RNF150: variants seen among roughly 807,000 people sequenced by gnomAD.
RNF150 encodes ring finger protein 150.
In RNF150, 24 loss-of-function variants were observed where a neutral mutation model predicts 39.3. The observed-to-expected ratio is 0.61, with a 90% CI of 0.44 to 0.86. RNF150 has a LOEUF of 0.86. Ranked by LOEUF, RNF150 falls within the 40% of genes least tolerant of loss-of-function variation. The probability of loss-of-function intolerance (pLI) is 0.00; values close to 1 mark genes in which losing one functional copy is unlikely to be tolerated. For synonymous variants in RNF150, 255 were observed against 227.3 expected, an observed-to-expected ratio of 1.12 and a Z score of -1.10; for missense variants, 502 against 587.8, an observed-to-expected ratio of 0.85 and a Z score of 1.51.
chr4:141,101,543 C>T (rs1309664724), intron 1 of RNF150, among the ~76,000 whole-genome samples: 1 of 152,084 alleles, frequency 6.6e-6, no homozygotes, highest in Admixed American at 6.5e-5. Context: ...GAAATAAATA[C>T]AAAGAGTATA....
chr4:140,886,190 C>CAAAAAA (rs1171164182), intron 6 of RNF150, among the ~76,000 whole-genome samples: 283 of 71,774 alleles, frequency 3.9e-3, no homozygotes, highest in African/African-American at 6.2e-3. Flanking sequence ...GACTCCATCA[C>CAAAAAA]AAAAAAAAAA....
At chr4:140,917,320 G>A (rs1476845211) in intron 5 of RNF150, among the ~76,000 whole-genome samples, 1 of 152,034 alleles carries the variant, frequency 6.6e-6, no homozygotes, top group Non-Finnish European at 1.5e-5. Flanking sequence ...ACACACATAG[G>A]CTCAAAATAA....
At chr4:140,992,130 C>G (rs1045785095) in intron 1 of RNF150, among the ~76,000 whole-genome samples, 1 of 151,982 alleles carries the variant, frequency 6.6e-6, no homozygotes, top group South Asian at 2.1e-4. Context: ...TTTTATATAC[C>G]TTGTCCTTAG....
chr4:140,938,767 A>G (rs959796943), intron 4 of RNF150, among the ~76,000 whole-genome samples: 97 of 152,186 alleles, frequency 6.4e-4, no homozygotes, highest in African/African-American at 2.2e-3. Flanking sequence ...CTTTACACTA[A>G]ATGTCTCCCA....
At chr4:141,177,476 TTCTCTC>T (rs35665766) in intron 1 of RNF150, among the ~76,000 whole-genome samples, 4 of 142,322 alleles carry the variant, frequency 2.8e-5, no homozygotes, top group African/African-American at 5.1e-5. Flanking sequence ...TATTGATTCT[TTCTCTC>T]TCTCTCTCTC....
intron 1 of RNF150, among the ~76,000 whole-genome samples, chr4:141,109,038 TTAAG>T (rs1187055370): frequency 1.3e-5 from 2 of 152,158 alleles, no homozygotes; most frequent in African/African-American, 4.8e-5. Flanking sequence ...TCTGAGATGA[TTAAG>T]TAAGATAATC....
intron 1 of RNF150, among the ~76,000 whole-genome samples, chr4:141,033,500 T>TC (rs1034117608): frequency 1.3e-5 from 2 of 152,082 alleles, no homozygotes; most frequent in African/African-American, 4.8e-5. Flanking sequence ...TATTTTAACC[T>TC]CCCCCCATGA....
intron 6 of RNF150, among the ~76,000 whole-genome samples, chr4:140,890,128 G>A (rs1450035959): frequency 6.6e-6 from 1 of 152,144 alleles, no homozygotes; most frequent in East Asian, 1.9e-4. Flanking sequence ...AAATCAGTGT[G>A]TGTGTATGTG....
chr4:140,991,474 T>C (rs1365283507), intron 1 of RNF150, among the ~76,000 whole-genome samples: 1 of 152,166 alleles, frequency 6.6e-6, no homozygotes, highest in Admixed American at 6.5e-5. Context: ...AGGGTTTTTA[T>C]AGATTTGGGT....
At chr4:141,077,513 A>G (rs748506870) in intron 1 of RNF150, among the ~76,000 whole-genome samples, 4 of 152,228 alleles carry the variant, frequency 2.6e-5, no homozygotes, top group Non-Finnish European at 5.9e-5. Context: ...TACAAAAAAT[A>G]AATTTAATTA....
intron 1 of RNF150, among the ~76,000 whole-genome samples, chr4:141,086,398 C>G (rs954150091): frequency 6.6e-6 from 1 of 151,750 alleles, no homozygotes; most frequent in Non-Finnish European, 1.5e-5. Context: ...AGTGGAATAC[C>G]CCTGTTAATA....
chr4:141,073,805 A>T lies in RNF150; in HGVS notation c.484+58520T>A, dbSNP rs34514039. On this transcript the variant is annotated intron_variant, in intron 1 of 6. Transcript: ENST00000515673. ...ATAAGGAAGGGTGGAGATGACAGAAAATTAAGTCTTACCTAAAACGCAAGG... is the reference window on the plus strand; with the variant it reads ...ATAAGGAAGGGTGGAGATGACAGAATATTAAGTCTTACCTAAAACGCAAGG... Among the ~76,000 whole-genome samples, 845 of 152,270 alleles carry T rather than the reference A, an allele frequency of 5.5e-3. 4 individuals are homozygous for T. The highest frequency in any genetic ancestry group is 0.019 in the African/African-American group (794 of 41,540).
chr4:141,056,919 G>A (rs961651847), intron 1 of RNF150, among the ~76,000 whole-genome samples: 1 of 151,884 alleles, frequency 6.6e-6, no homozygotes, highest in African/African-American at 2.4e-5. Context: ...ATGCATAACT[G>A]TTTTTTTAAA....
At chr4:141,048,867 T>C (rs1507184) in intron 1 of RNF150, among the ~76,000 whole-genome samples, 121,312 of 152,186 alleles carry the variant, frequency 0.8, 48,579 homozygotes, top group Non-Finnish European at 0.84. Flanking sequence ...TGGAAGCTAC[T>C]TAGGTATACC....
intron 1 of RNF150, among the ~76,000 whole-genome samples, chr4:141,036,616 A>G (rs1322676233): frequency 1.3e-5 from 2 of 152,172 alleles, no homozygotes; most frequent in Non-Finnish European, 1.5e-5. Flanking sequence ...TTGGGAAGTA[A>G]CCTAAGGGTA....
At chr4:141,123,727 G>A (rs1726676317) in intron 1 of RNF150, among the ~76,000 whole-genome samples, 1 of 152,056 alleles carries the variant, frequency 6.6e-6, no homozygotes, top group South Asian at 2.1e-4. Flanking sequence ...ACAGGCCCTG[G>A]TGTGTGGTGT....
chr4:141,146,155 A>C (rs1727198050), intron 1 of RNF150, among the ~76,000 whole-genome samples: 1 of 152,380 alleles, frequency 6.6e-6, no homozygotes, highest in South Asian at 2.1e-4. Flanking sequence ...GGATGGATAC[A>C]TGTTTAATAA....
intron 1 of RNF150, among the ~76,000 whole-genome samples, chr4:141,073,145 A>G (rs1507180): frequency 0.79 from 120,418 of 151,594 alleles, 48,566 homozygotes; most frequent in Non-Finnish European, 0.87. Context: ...TAGAAGACAG[A>G]AGTAAAAAGG....
intron 4 of RNF150, among the ~76,000 whole-genome samples, chr4:140,928,821 C>G (rs543225225): frequency 6.6e-6 from 1 of 152,320 alleles, no homozygotes; most frequent in African/African-American, 2.4e-5. Flanking sequence ...GCTAGGATTA[C>G]AGGCGTGAGC....
Sources: allele counts gnomAD v4.1 joint callset (sites outside exome capture counted in the v4.1 genomes callset), GRCh38; gene constraint gnomAD v4.1.1; transcripts MANE v1.5; gene names NCBI Gene and HGNC (gene_info 2026-07-23, HGNC 2026-07-21).